Variants in DHRS11 observed in about 807,000 individuals in gnomAD.
The protein encoded by DHRS11 is dehydrogenase/reductase 11, also known as dehydrogenase/reductase SDR family member 11.
DHRS11 carries 18 observed loss-of-function variants against 30.7 expected under a neutral mutation model. That is an observed-to-expected ratio of 0.59 (90% CI 0.41 to 0.87). DHRS11 has a LOEUF of 0.87. Ranked by LOEUF, DHRS11 falls within the 40% of genes least tolerant of loss-of-function variation. DHRS11 has a pLI of 0.00. For missense variants in DHRS11, 300 were observed against 349.0 expected (o/e 0.86, Z 1.12); for synonymous variants, 123 against 139.6 (o/e 0.88, Z 0.84).
At chr17:36,597,824 G>T (rs2074823119) in intron 2 of DHRS11, 1 of 418,658 alleles carries the variant, frequency 2.4e-6, no homozygotes, top group Non-Finnish European at 4.3e-6. Context: ...ATTCCCTATG[G>T]AATTAGAGGG....
Position 36,597,933 on chromosome 17 carries a change from G to A in DHRS11, c.358-230G>A, listed in dbSNP as rs1035464892. 2.0e-5 allele frequency: 12 copies of A among 588,650 alleles called. No homozygotes were observed. The East Asian group carries it at 3.5e-4, about 17-fold the overall frequency. The allele number at this position is 588,650 out of a possible 1,614,324, so 36.5% of individuals were successfully genotyped here. ...ATTCTTGTTTGCAGGAACTTGGGGG[G>A]TCAGCCAGGTGAGGAGCTACCTCTG... On this transcript the variant is annotated intron_variant, in intron 2 of 6. Transcript: ENST00000618403.
chr17:36,597,901 G>T (rs767227749), intron 2 of DHRS11: 1 of 569,740 alleles, frequency 1.8e-6, no homozygotes, highest in East Asian at 3.0e-5. Context: ...GGGTTTGAAG[G>T]GTTTCCATTC....
rs999139847 is a variant in DHRS11, at chr17:36,591,885, C to CTGGTGG, written c.-124_-119dup. On this transcript the variant is annotated 5_prime_UTR_variant, in exon 1 of 7. Coordinates refer to ENST00000618403, the MANE Select transcript of DHRS11 (RefSeq NM_024308.4). Reference sequence around the variant, plus strand: ...TCCCGGCCGGAGGCAGGCCGGGACTCTGGTGGGTCTAGGCGCGGATCGGAC... The same window carrying CTGGTGG: ...TCCCGGCCGGAGGCAGGCCGGGACTCTGGTGGTGGTGGGTCTAGGCGCGGATCGGAC... 411 of 1,042,528 alleles carry CTGGTGG rather than the reference C, an allele frequency of 3.9e-4. 5 individuals are homozygous for CTGGTGG. In the African/African-American group the frequency reaches 6.2e-3, roughly 16 times the overall value. 64.6% of individuals were successfully genotyped at this position (1,042,528 alleles called of 1,614,324 possible). A position where few individuals can be genotyped will look rare whatever the true frequency, so the allele number is the denominator to read the frequency against.
chr17:36,600,586 A>G lies in DHRS11; in HGVS notation c.*383A>G, dbSNP rs2074852403. The G allele has an allele frequency of 5.7e-6, 2 of 350,584 alleles. No homozygotes were observed. The highest frequency in any genetic ancestry group is 1.1e-5 in the Non-Finnish European group (2 of 187,756). The allele number at this position is 350,584 out of a possible 1,614,324, so 21.7% of individuals were successfully genotyped here. On this transcript the variant is annotated 3_prime_UTR_variant, in exon 7 of 7. Transcript: ENST00000618403. ...TGGCAGAGGGAGGCCTTCACCTTAT[A>G]TCTGTGTTGTTATCCAGGGCTCCAG...
chr17:36,593,149 G>A (rs2074781979), intron 1 of DHRS11, among the ~76,000 whole-genome samples: 1 of 152,140 alleles, frequency 6.6e-6, no homozygotes, highest in African/African-American at 2.4e-5. Flanking sequence ...ATCAGGCCAG[G>A]GATTAAACAA....
chr17:36,593,863 C>T (rs2074787930), intron 1 of DHRS11, among the ~76,000 whole-genome samples: 1 of 152,224 alleles, frequency 6.6e-6, no homozygotes, highest in Non-Finnish European at 1.5e-5. Context: ...GCTCAAGTGC[C>T]CAGTCACTGG....
Position 36,598,965 on chromosome 17 carries a change from A to G in DHRS11, c.497A>G (p.Tyr166Cys), listed in dbSNP as rs1401217529. The G allele has an allele frequency of 6.2e-7, 1 of 1,613,454 alleles. No individual in the cohort carries two copies. Among genetic ancestry groups the G allele is most frequent in the Non-Finnish European group, 8.5e-7 (1 of 1,179,984 alleles). ...TTACCCCTGTCTGTGACCCACTTCT[A>G]TAGTGCCACCAAGTATGCCGTCACT... ...RVLPLSVTHF[Y>C]SATKYAVTAL... Residue 166 changes from tyrosine to cysteine, a missense_variant, in exon 4 of 7, where the codon TAT (tyrosine) becomes TGT (cysteine). By Grantham distance (194) the Tyr-to-Cys change is radical (BLOSUM62 -2). Transcript: ENST00000618403.
At chr17:36,598,294 C>G (rs1446549430) in intron 3 of DHRS11, 37 bp downstream of exon 3, 1 of 1,596,912 alleles carries the variant, frequency 6.3e-7, no homozygotes. Flanking sequence ...ACTCACCCAC[C>G]AGGCTGGGTA....
At chr17:36,595,215 G>C (rs369106437) in intron 2 of DHRS11, 35 bp downstream of exon 2, 221 of 1,610,518 alleles carry the variant, frequency 1.4e-4, no homozygotes, top group Non-Finnish European at 4.2e-5. Context: ...CCAGGTGGAG[G>C]GTGGGGAGGA....
Position 36,591,910 on chromosome 17 carries a change from C to A in DHRS11, c.-100C>A. The A allele has an allele frequency of 2.5e-6, 3 of 1,181,180 alleles. No individual in the cohort carries two copies. Among genetic ancestry groups the A allele is most frequent in the Non-Finnish European group, 3.2e-6 (3 of 946,958 alleles). 73.2% of individuals were successfully genotyped at this position (1,181,180 alleles called of 1,614,324 possible). A position where few individuals can be genotyped will look rare whatever the true frequency, so the allele number is the denominator to read the frequency against. ...CTGGTGGGTCTAGGCGCGGATCGGACCCAAGCAGGTCGGCGGCGGCGGCAG... is the reference window on the plus strand; with the variant it reads ...CTGGTGGGTCTAGGCGCGGATCGGAACCAAGCAGGTCGGCGGCGGCGGCAG... On this transcript the variant is annotated 5_prime_UTR_variant, in exon 1 of 7. Coordinates refer to ENST00000618403, the MANE Select transcript of DHRS11 (RefSeq NM_024308.4).
At chr17:36,598,129 G>C in intron 2 of DHRS11, 34 bp from the exon 3 acceptor site, 1 of 1,608,876 alleles carries the variant, frequency 6.2e-7, no homozygotes, top group Non-Finnish European at 8.5e-7. Context: ...TTGGGCCGGA[G>C]TGGAGACACC....
At position 36,600,483 on chromosome 17, in the gene DHRS11, T is replaced by C; in HGVS notation, c.*280T>C. 1.7e-6 allele frequency: 1 copy of C among 574,556 alleles called. No individual in the cohort carries two copies. The highest frequency in any genetic ancestry group is 2.1e-5 in the South Asian group (1 of 47,446). 35.6% of individuals were successfully genotyped at this position (574,556 alleles called of 1,614,324 possible). On this transcript the variant is annotated 3_prime_UTR_variant, in exon 7 of 7. Coordinates refer to ENST00000618403, the MANE Select transcript of DHRS11 (RefSeq NM_024308.4). ...TGGCCTTTGTCTGCTCTCAGTGTCT[T>C]CCCTTTGACATGGGAAAGGAGTTGT...
chr17:36,597,902 G>C, intron 2 of DHRS11: 1 of 572,284 alleles, frequency 1.7e-6, no homozygotes, highest in East Asian at 3.0e-5. Context: ...GGTTTGAAGG[G>C]TTTCCATTCT....
intron 3 of DHRS11, chr17:36,598,632 C>T (rs184722672): frequency 5.9e-6 from 3 of 512,612 alleles, no homozygotes; most frequent in East Asian, 3.4e-5. Context: ...CCAATAGAAC[C>T]GTATCAGTGA....
chr17:36,594,804 C>T (rs2074795795), intron 1 of DHRS11, 167 bp from the exon 2 acceptor site: 1 of 660,580 alleles, frequency 1.5e-6, no homozygotes, highest in Non-Finnish European at 2.6e-6. Flanking sequence ...AGACTTTGAC[C>T]AAAGAGGACA....
chr17:36,598,559 G>C (rs1351939950), intron 3 of DHRS11: 6 of 515,660 alleles, frequency 1.2e-5, no homozygotes, highest in Non-Finnish European at 2.1e-5. Flanking sequence ...ACTATGTACA[G>C]TGTCTGCCAC....
intron 2 of DHRS11, among the ~76,000 whole-genome samples, chr17:36,595,410 CTTTTTTTTTTTTT>C (rs34424724): frequency 1.5e-3 from 78 of 51,646 alleles, no homozygotes; most frequent in African/African-American, 5.6e-3. Context: ...GGAGGTAGTT[CTTTTTTTTTTTTT>C]TTTTTTTTTT....
In DHRS11 at chr17:36,598,220, C is replaced by T. The variant is rs754322863; in HGVS notation, c.415C>T (p.Arg139Trp). 2.3e-5 allele frequency: 37 copies of T among 1,613,944 alleles called. No homozygotes were observed. Among genetic ancestry groups the T allele is most frequent in the African/African-American group, 8.0e-5 (6 of 74,898 alleles). The change falls in exon 3 of 7, where the codon CGG becomes TGG. Residue 139 changes from arginine to tryptophan, a missense_variant. Transcript: ENST00000618403. ...TREAYQSMKE[R>W]NVDDGHIINI... ...GGAAGCCTACCAGTCCATGAAGGAG[C>T]GGAATGTGGACGATGGGCACATCAT...
intron 3 of DHRS11, 131 bp from the exon 4 acceptor site, chr17:36,598,790 C>G: frequency 8.3e-7 from 1 of 1,207,598 alleles, no homozygotes; most frequent in Non-Finnish European, 1.1e-6. Flanking sequence ...TGTAGGATGG[C>G]CAGTAGAGGT....
Sources: allele counts gnomAD v4.1 joint callset (sites outside exome capture counted in the v4.1 genomes callset), GRCh38; gene constraint gnomAD v4.1.1; transcripts MANE v1.5; gene names NCBI Gene and HGNC (gene_info 2026-07-23, HGNC 2026-07-21).